BRD10: variants seen among roughly 807,000 people sequenced by gnomAD.
BRD10 encodes bromodomain containing 10, also known as uncharacterized bromodomain-containing protein 10.
chr9:5,991,176 GTGTGTA>G, the BRD10 span, among the ~76,000 whole-genome samples: 3 of 37,316 alleles, frequency 8.0e-5, no homozygotes, highest in Non-Finnish European at 2.5e-4. Flanking sequence ...TTGTGTGTGT[GTGTGTA>G]TATATATATA....
chr9:5,896,484 G>C, the BRD10 span, among the ~76,000 whole-genome samples: 1 of 152,172 alleles, frequency 6.6e-6, no homozygotes, highest in Non-Finnish European at 1.5e-5. Context: ...CCTCAGCCTT[G>C]AGACAGAAGT....
chr9:5,932,294 G>A, the BRD10 span, among the ~76,000 whole-genome samples: 2 of 151,606 alleles, frequency 1.3e-5, no homozygotes, highest in East Asian at 1.9e-4. Context: ...GTTTCATCTC[G>A]GATGAAATTA....
chr9:5,893,091 T>C, the BRD10 span, among the ~76,000 whole-genome samples: 15 of 152,236 alleles, frequency 9.9e-5, no homozygotes, highest in Non-Finnish European at 1.9e-4. Context: ...AGTATTTATA[T>C]GATTAAGCAT....
the BRD10 span, chr9:5,910,354 C>T: frequency 6.6e-6 from 1 of 152,160 alleles, no homozygotes; most frequent in African/African-American, 2.4e-5. Context: ...ATGTATTACA[C>T]ACATCGAAAA....
the BRD10 span, among the ~76,000 whole-genome samples, chr9:5,940,604 C>G: frequency 6.6e-6 from 1 of 152,178 alleles, no homozygotes; most frequent in Admixed American, 6.5e-5. Context: ...TAGTTAGTCA[C>G]CTCGCTACTG....
At chr9:5,995,242 CGCAGGTGACT>C in the BRD10 span, among the ~76,000 whole-genome samples, 1 of 152,188 alleles carries the variant, frequency 6.6e-6, no homozygotes, top group East Asian at 1.9e-4. Flanking sequence ...ATCACTTTCT[CGCAGGTGACT>C]GCCCATAACT....
chr9:5,970,650 C>T, the BRD10 span, among the ~76,000 whole-genome samples: 3 of 152,100 alleles, frequency 2.0e-5, no homozygotes, highest in Non-Finnish European at 4.4e-5. Flanking sequence ...AGACAACTCA[C>T]AGGATGGGAG....
chr9:5,944,234 G>C, the BRD10 span, among the ~76,000 whole-genome samples: 1 of 152,006 alleles, frequency 6.6e-6, no homozygotes, highest in African/African-American at 2.4e-5. Flanking sequence ...AGTTAAATAG[G>C]TGTTATTGAT....
the BRD10 span, chr9:5,906,764 A>G: frequency 1.7e-6 from 1 of 601,454 alleles, no homozygotes; most frequent in East Asian, 3.0e-5. Context: ...GAAGGCACAC[A>G]GCAAGTAAGT....
chr9:5,906,800 C>G, the BRD10 span: 42 of 814,016 alleles, frequency 5.2e-5, no homozygotes, highest in South Asian at 8.0e-4. Context: ...AAAACTCATT[C>G]TTAAAACTTT....
chr9:6,007,649 C>T, the BRD10 span: 2 of 1,604,516 alleles, frequency 1.2e-6, no homozygotes, highest in Non-Finnish European at 1.7e-6. Context: ...AGCGAGGAGG[C>T]ACTCCTTCCG....
the BRD10 span, chr9:6,008,247 C>T: frequency 5.1e-6 from 5 of 983,072 alleles, no homozygotes; most frequent in Non-Finnish European, 6.0e-6. Context: ...TCCGGCTCCT[C>T]CTCTCCCTCA....
At chr9:5,982,921 T>A in the BRD10 span, among the ~76,000 whole-genome samples, 1 of 152,190 alleles carries the variant, frequency 6.6e-6, no homozygotes, top group African/African-American at 2.4e-5. Context: ...GAAATCTATA[T>A]TGTATTTTAA....
At chr9:5,962,145 T>A in the BRD10 span, among the ~76,000 whole-genome samples, 2 of 152,174 alleles carry the variant, frequency 1.3e-5, no homozygotes, top group Non-Finnish European at 1.5e-5. Context: ...TACACACTGC[T>A]TTGATAGACC....
At chr9:5,939,919 T>G in the BRD10 span, among the ~76,000 whole-genome samples, 9 of 152,178 alleles carry the variant, frequency 5.9e-5, no homozygotes, top group African/African-American at 2.2e-4. Flanking sequence ...CATTCCTGAT[T>G]GATAACCACT....
chr9:5,889,184 C>T, the BRD10 span, among the ~76,000 whole-genome samples: 2 of 152,124 alleles, frequency 1.3e-5, no homozygotes, highest in African/African-American at 2.4e-5. Context: ...AGAAAAAGCC[C>T]AATTGTCCAT....
At chr9:5,978,062 T>A in the BRD10 span, among the ~76,000 whole-genome samples, 15 of 152,306 alleles carry the variant, frequency 9.8e-5, no homozygotes, top group Admixed American at 3.3e-4. Context: ...TTGCTATTTT[T>A]AAAAACAGGG....
the BRD10 span, among the ~76,000 whole-genome samples, chr9:5,934,177 C>G: frequency 2.0e-5 from 3 of 151,830 alleles, no homozygotes; most frequent in African/African-American, 7.3e-5. Flanking sequence ...TTTAAAAGAA[C>G]AGTACAAAAC....
chr9:5,892,932 G>A, the BRD10 span, among the ~76,000 whole-genome samples: 2 of 152,168 alleles, frequency 1.3e-5, no homozygotes, highest in Non-Finnish European at 2.9e-5. Flanking sequence ...CAGAATAAAA[G>A]TGAGTTGCCA....
Sources: allele counts gnomAD v4.1 joint callset (sites outside exome capture counted in the v4.1 genomes callset), GRCh38; gene constraint gnomAD v4.1.1; transcripts MANE v1.5; gene names NCBI Gene and HGNC (gene_info 2026-07-23, HGNC 2026-07-21).